The following ENTHD1 variants were observed in gnomAD, a reference collection of about 807,000 sequenced individuals.
The protein encoded by ENTHD1 is ENTH domain-containing protein 1.
A neutral mutation model predicts 39.1 loss-of-function variants in ENTHD1; 23 were observed. The ratio of observed to expected loss-of-function variants is 0.59; its 90% CI spans 0.42 to 0.83. The LOEUF (loss-of-function observed/expected upper bound fraction) is 0.83, where lower values mean the gene tolerates loss of function less well. Among genes scored for constraint, ENTHD1 ranks in the 40% least tolerant of loss-of-function variants. ENTHD1 has a pLI of 0.00. For missense variants in ENTHD1, 624 were observed against 705.4 expected (o/e 0.88, Z 1.31); for synonymous variants, 230 against 258.2 (o/e 0.89, Z 1.05).
chr22:39,754,460 C>T (rs1485319447), intron 6 of ENTHD1, among the ~76,000 whole-genome samples: 1 of 152,138 alleles, frequency 6.6e-6, no homozygotes, highest in Admixed American at 6.5e-5. Flanking sequence ...CTTCATGGTC[C>T]CTATACCACT....
rs113480350 is a variant in ENTHD1, at chr22:39,891,909, C to G, written c.-156+1786G>C. Among the ~76,000 whole-genome samples the G allele has an allele frequency of 4.6e-5, 7 of 152,084 alleles. 1 individual carries two copies. The highest frequency in any genetic ancestry group is 1.7e-4 in the African/African-American group (7 of 41,462). On this transcript the variant is annotated intron_variant, in intron 1 of 6. Transcript: ENST00000325157. ...TGCTGGGATTACAGGTGTGAGCCACCGTGCTTGGCCTCAAAAAAAATTTTT... is the reference window on the plus strand; with the variant it reads ...TGCTGGGATTACAGGTGTGAGCCACGGTGCTTGGCCTCAAAAAAAATTTTT...
intron 5 of ENTHD1, among the ~76,000 whole-genome samples, chr22:39,813,878 A>G (rs2065712478): frequency 6.6e-6 from 1 of 152,216 alleles, no homozygotes; most frequent in Non-Finnish European, 1.5e-5. Flanking sequence ...TACAAAATCA[A>G]TATACAAAAC....
intron 3 of ENTHD1, among the ~76,000 whole-genome samples, chr22:39,847,409 C>T (rs967736521): frequency 1.3e-5 from 2 of 150,200 alleles, no homozygotes; most frequent in Non-Finnish European, 1.5e-5. Flanking sequence ...TTAGGAGATA[C>T]ACCTAATGCT....
chr22:39,874,697 T>C (rs1316758124), intron 2 of ENTHD1, among the ~76,000 whole-genome samples: 1 of 152,100 alleles, frequency 6.6e-6, no homozygotes, highest in Admixed American at 6.5e-5. Context: ...ATGTTAAAAA[T>C]AGGCAAAATA....
At chr22:39,779,257 C>G (rs1254115821) in intron 5 of ENTHD1, among the ~76,000 whole-genome samples, 4 of 152,054 alleles carry the variant, frequency 2.6e-5, no homozygotes, top group African/African-American at 9.7e-5. Context: ...GCAAAGGTTG[C>G]AGTGAACCAG....
chr22:39,891,264 A>C (rs545238512), intron 1 of ENTHD1, among the ~76,000 whole-genome samples: 3 of 152,250 alleles, frequency 2.0e-5, no homozygotes, highest in South Asian at 2.1e-4. Flanking sequence ...CCTATTTGTC[A>C]TTTGCTCAGT....
intron 6 of ENTHD1, among the ~76,000 whole-genome samples, chr22:39,756,659 A>G (rs533966672): frequency 2.0e-5 from 3 of 152,328 alleles, no homozygotes; most frequent in Admixed American, 1.3e-4. Flanking sequence ...TTACAAATCA[A>G]TGTTAAAATA....
At chr22:39,890,176 T>G (rs2066415997) in intron 1 of ENTHD1, among the ~76,000 whole-genome samples, 1 of 151,712 alleles carries the variant, frequency 6.6e-6, no homozygotes, top group African/African-American at 2.4e-5. Flanking sequence ...AATATCTGTT[T>G]AATTAAGATT....
At chr22:39,775,807 A>C (rs1000369857) in intron 5 of ENTHD1, among the ~76,000 whole-genome samples, 2 of 152,150 alleles carry the variant, frequency 1.3e-5, no homozygotes, top group African/African-American at 4.8e-5. Context: ...GCTTTCTTGA[A>C]TATATATAAT....
chr22:39,760,034 A>G (rs1043247580), intron 6 of ENTHD1, among the ~76,000 whole-genome samples: 7 of 151,956 alleles, frequency 4.6e-5, no homozygotes, highest in African/African-American at 1.2e-4. Context: ...ATGATGCAGT[A>G]TGTGTTCTTT....
intron 2 of ENTHD1, among the ~76,000 whole-genome samples, chr22:39,874,066 A>G (rs2066266625): frequency 6.6e-6 from 1 of 152,204 alleles, no homozygotes; most frequent in African/African-American, 2.4e-5. Context: ...GCAAAGAAAG[A>G]GAGCTTGTGC....
At chr22:39,765,748 T>C in intron 5 of ENTHD1, 139 bp from the exon 6 acceptor site, 1 of 861,876 alleles carries the variant, frequency 1.2e-6, no homozygotes, top group Non-Finnish European at 1.7e-6. Flanking sequence ...GCTTTCTTAC[T>C]ATGCTTCTAT....
chr22:39,824,240 C>T (rs1231312149), intron 4 of ENTHD1, among the ~76,000 whole-genome samples: 1 of 109,100 alleles, frequency 9.2e-6, no homozygotes, highest in Non-Finnish European at 1.7e-5. Context: ...GACAGAGTCT[C>T]GCCTTGTCAC....
chr22:39,763,217 C>T (rs535185059), intron 6 of ENTHD1, among the ~76,000 whole-genome samples: 1 of 152,256 alleles, frequency 6.6e-6, no homozygotes, highest in East Asian at 1.9e-4. Flanking sequence ...TTTGCTATAT[C>T]CTGAACTCCA....
intron 4 of ENTHD1, among the ~76,000 whole-genome samples, chr22:39,831,128 T>C (rs1241011552): frequency 6.6e-6 from 1 of 152,148 alleles, no homozygotes; most frequent in East Asian, 1.9e-4. Context: ...TATGCTCAGG[T>C]ATTAGGATCC....
rs1394139145 is a variant in ENTHD1 at position 39,835,269 on chromosome 22, CTG to C, written c.711+569_711+570del. Among the ~76,000 whole-genome samples the C allele has an allele frequency of 2.6e-5, 4 of 152,024 alleles. No individual in the cohort carries two copies. In the Middle Eastern group the frequency reaches 9.5e-3, roughly 361 times the overall value. ...AGCTGAGAGAAGGGCATACGGGACT[CTG>C]TACTATTTTTGCAACTTCCTGTGAG... On this transcript the variant is annotated intron_variant, in intron 4 of 6. Transcript: ENST00000325157.
At chr22:39,752,240 G>C (rs1820602828) in intron 6 of ENTHD1, among the ~76,000 whole-genome samples, 1 of 152,080 alleles carries the variant, frequency 6.6e-6, no homozygotes, top group South Asian at 2.1e-4. Context: ...AAGCAATGAA[G>C]TACTGATATA....
intron 4 of ENTHD1, among the ~76,000 whole-genome samples, chr22:39,826,352 CTTAT>C (rs1187653819): frequency 7.9e-5 from 12 of 151,636 alleles, no homozygotes; most frequent in Admixed American, 1.3e-4. Context: ...ATTATTTTTA[CTTAT>C]TTATCTTTTT....
chr22:39,765,202 G>A (rs775476053), intron 6 of ENTHD1, 21 bp downstream of exon 6: 7 of 1,560,842 alleles, frequency 4.5e-6, no homozygotes, highest in African/African-American at 2.7e-5. Flanking sequence ...GTGTGTGTGT[G>A]TGTGTGTTTG....
Sources: allele counts gnomAD v4.1 joint callset (sites outside exome capture counted in the v4.1 genomes callset), GRCh38; gene constraint gnomAD v4.1.1; transcripts MANE v1.5; gene names NCBI Gene and HGNC (gene_info 2026-07-23, HGNC 2026-07-21).